The following ATR variants were observed in gnomAD, a reference collection of about 807,000 sequenced individuals.
ATR encodes the protein serine/threonine-protein kinase ATR.
ATR carries 142 observed loss-of-function variants against 305.3 expected under a neutral mutation model. The ratio of observed to expected loss-of-function variants is 0.47; its 90% CI spans 0.41 to 0.53. ATR has a LOEUF of 0.53. Among genes scored for constraint, ATR ranks in the 20% least tolerant of loss-of-function variants. The probability of loss-of-function intolerance (pLI) is 0.00; values close to 1 mark genes in which losing one functional copy is unlikely to be tolerated. For missense variants in ATR, 2,135 were observed against 3,133.1 expected, an observed-to-expected ratio of 0.68 and a Z score of 7.60; for synonymous variants, 1,050 against 1,068.1, an observed-to-expected ratio of 0.98 and a Z score of 0.33.
chr3:142,577,644 A>G (rs1220735375), intron 1 of ATR, among the ~76,000 whole-genome samples: 1 of 152,258 alleles, frequency 6.6e-6, no homozygotes, highest in Admixed American at 6.5e-5. Context: ...GCAAAAAGAA[A>G]GAGAAGTAGC....
At position 142,452,840 on chromosome 3, in the gene ATR, A is replaced by G. The variant is rs139516618; in HGVS notation, c.7761+288T>C. ...ACCTGTTGTTCTGTAAGTTCAGGCA[A>G]TTTGTACTATAGTTTTTCCTACTGT... On this transcript the variant is annotated intron_variant, in intron 46 of 46. Coordinates refer to ENST00000350721, the MANE Select transcript of ATR (RefSeq NM_001184.4). 4.9e-3 allele frequency: 6,124 copies of G among 1,244,070 alleles called. 20 individuals are homozygous for G. The highest frequency in any genetic ancestry group is 5.7e-3 in the Non-Finnish European group (5,561 of 982,672). 77.1% of individuals were successfully genotyped at this position (1,244,070 alleles called of 1,614,324 possible). A position where few individuals can be genotyped will look rare whatever the true frequency, so the allele number is the denominator to read the frequency against.
At chr3:142,483,244 G>T (rs1331048682) in intron 36 of ATR, among the ~76,000 whole-genome samples, 1 of 151,902 alleles carries the variant, frequency 6.6e-6, no homozygotes, top group Non-Finnish European at 1.5e-5. Flanking sequence ...AATTTTAACA[G>T]ATATATTGAT....
intron 13 of ATR, 64 bp downstream of exon 13, chr3:142,553,163 T>A: frequency 6.5e-7 from 1 of 1,545,072 alleles, no homozygotes; most frequent in Non-Finnish European, 8.9e-7. Context: ...TAAATATTCT[T>A]CTTTTTTGTA....
intron 16 of ATR, among the ~76,000 whole-genome samples, chr3:142,544,286 C>A (rs957056347): frequency 2.7e-5 from 4 of 150,566 alleles, no homozygotes; most frequent in Non-Finnish European, 4.4e-5. Context: ...GGCAAAACCC[C>A]ATCTCTACAA....
chr3:142,478,784 G>A (rs1409875955), intron 36 of ATR, among the ~76,000 whole-genome samples: 1 of 152,148 alleles, frequency 6.6e-6, no homozygotes, highest in Non-Finnish European at 1.5e-5. Context: ...TGTATTGGGT[G>A]CATATATATT....
chr3:142,493,711 T>A (rs2031421384), intron 34 of ATR, among the ~76,000 whole-genome samples: 1 of 150,088 alleles, frequency 6.7e-6, no homozygotes, highest in Admixed American at 6.6e-5. Context: ...CTACAAAAAA[T>A]TTAAAAATTA....
intron 24 of ATR, 58 bp downstream of exon 24, chr3:142,519,611 A>C: frequency 6.9e-7 from 1 of 1,459,182 alleles, no homozygotes; most frequent in Non-Finnish European, 9.5e-7. Context: ...AAAAAATCGC[A>C]TTATTTTTAT....
At chr3:142,449,676 A>G in intron 46 of ATR, 74 bp from the exon 47 acceptor site, 1 of 1,467,840 alleles carries the variant, frequency 6.8e-7, no homozygotes. Flanking sequence ...ATATTTTGAC[A>G]TTTAATAAAT....
chr3:142,566,313 C>T (rs2108494879), intron 2 of ATR, 52 bp from the exon 3 acceptor site: 1 of 1,592,262 alleles, frequency 6.3e-7, no homozygotes, highest in Non-Finnish European at 8.6e-7. Flanking sequence ...AACAATGGTC[C>T]TTTTGTTAAG....
chr3:142,512,195 A>G (rs1474557779), intron 27 of ATR, 65 bp downstream of exon 27: 26 of 1,354,282 alleles, frequency 1.9e-5, no homozygotes, highest in Non-Finnish European at 2.4e-5. Context: ...GAACTGATAA[A>G]GGGAAGAGCT....
chr3:142,545,019 T>C (rs1275333351), intron 16 of ATR, among the ~76,000 whole-genome samples: 1 of 152,206 alleles, frequency 6.6e-6, no homozygotes, highest in Non-Finnish European at 1.5e-5. Context: ...ACAATCTCTG[T>C]CAACATTCCA....
In ATR at chr3:142,553,701, G is replaced by T; in HGVS notation, c.2572C>A (p.Gln858Lys). Residue 858 changes from glutamine (Q) to lysine (K), a missense_variant, in exon 12 of 47, where the codon CAA (glutamine) becomes AAA (lysine). Transcript: ENST00000350721. ...LRMKEAYTHA[Q>K]ISRNNELKDT... ...TTCAGCTCATTATTTCTTGATATTT[G>T]GGCATGTGTATATGCTTCCTTCATT... 6.2e-7 allele frequency: 1 copy of T among 1,612,748 alleles called. No individual in the cohort carries two copies. The highest frequency in any genetic ancestry group is 8.5e-7 in the Non-Finnish European group (1 of 1,179,024).
At position 142,558,523 on chromosome 3, in the gene ATR, A is replaced by AAAATAAATAAAT. The variant is rs56661838; in HGVS notation, c.1885+89_1885+100dup. 1.9e-4 allele frequency: 141 copies of AAAATAAATAAAT among 731,332 alleles called. No individual in the cohort carries two copies. In the East Asian group the frequency reaches 2.8e-3, roughly 14 times the overall value. 45.3% of individuals were successfully genotyped at this position (731,332 alleles called of 1,614,324 possible). A position where few individuals can be genotyped will look rare whatever the true frequency, so the allele number is the denominator to read the frequency against. On this transcript the variant is annotated intron_variant, in intron 8 of 46. Coordinates refer to ENST00000350721, the MANE Select transcript of ATR (RefSeq NM_001184.4). ...GGCGACAGAGTAAGACTCCGTCTCAAAAATAAATAAATAAATAAATAAATA... is the reference window on the plus strand; with the variant it reads ...GGCGACAGAGTAAGACTCCGTCTCAAAAATAAATAAATAAATAAATAAATAAATAAATAAATA...
intron 21 of ATR, among the ~76,000 whole-genome samples, chr3:142,534,700 C>T (rs947299611): frequency 1.3e-5 from 2 of 152,118 alleles, no homozygotes; most frequent in Non-Finnish European, 1.5e-5. Context: ...TTAAAACTAA[C>T]GTTAATTCAG....
intron 41 of ATR, 96 bp downstream of exon 41, chr3:142,465,001 C>A (rs2108270409): frequency 1.3e-6 from 1 of 756,660 alleles, no homozygotes; most frequent in Non-Finnish European, 1.8e-6. Context: ...GTAATTATAG[C>A]AACTCTGAAA....
At chr3:142,532,163 T>C (rs911954396) in intron 21 of ATR, among the ~76,000 whole-genome samples, 3 of 152,192 alleles carry the variant, frequency 2.0e-5, no homozygotes, top group African/African-American at 7.2e-5. Context: ...CAGTTGGAAA[T>C]GCAGAAATCA....
chr3:142,533,947 ATCT>A (rs143606079), intron 21 of ATR, among the ~76,000 whole-genome samples: 6,078 of 152,150 alleles, frequency 0.04, 399 homozygotes, highest in African/African-American at 0.14. Flanking sequence ...ACTGTAAGAA[ATCT>A]TCTTGAATTC....
At chr3:142,500,424 C>T (rs747847405) in intron 30 of ATR, among the ~76,000 whole-genome samples, 70 of 152,226 alleles carry the variant, frequency 4.6e-4, no homozygotes, top group Non-Finnish European at 7.2e-4. Context: ...ACACAGAAAC[C>T]GCTAGGCTTT....
In ATR at chr3:142,452,428, A is replaced by C; in HGVS notation, c.7761+700T>G. 5.1e-6 allele frequency: 5 copies of C among 982,756 alleles called. 1 individual carries two copies. Among genetic ancestry groups the C allele is most frequent in the Non-Finnish European group, 6.0e-6 (5 of 827,200 alleles). The allele number at this position is 982,756 out of a possible 1,614,324, so 60.9% of individuals were successfully genotyped here. A position where few individuals can be genotyped will look rare whatever the true frequency, so the allele number is the denominator to read the frequency against. Reference sequence around the variant, plus strand: ...AGTGGCTTATGCCTATAATCCCTGCATTTTGGGATGCTGAGGTGGGTGGAT... The same window carrying C: ...AGTGGCTTATGCCTATAATCCCTGCCTTTTGGGATGCTGAGGTGGGTGGAT... On this transcript the variant is annotated intron_variant, in intron 46 of 46. Coordinates refer to ENST00000350721, the MANE Select transcript of ATR (RefSeq NM_001184.4).
Sources: allele counts gnomAD v4.1 joint callset (sites outside exome capture counted in the v4.1 genomes callset), GRCh38; gene constraint gnomAD v4.1.1; transcripts MANE v1.5; gene names NCBI Gene and HGNC (gene_info 2026-07-23, HGNC 2026-07-21).